PEX7: variants seen among roughly 807,000 people sequenced by gnomAD.
PEX7 encodes PTS2 receptor.
In PEX7, 34 loss-of-function variants were observed where a neutral mutation model predicts 47.5. The ratio of observed to expected loss-of-function variants is 0.72; its 90% CI spans 0.54 to 0.95. The LOEUF is 0.95. Ranked by LOEUF, PEX7 falls within the 40% of genes least tolerant of loss-of-function variation. PEX7 has a pLI of 0.00. For synonymous variants in PEX7, 141 were observed against 148.8 expected (o/e 0.95, Z 0.38); for missense variants, 394 against 400.3 (o/e 0.98, Z 0.13).
chr6:136,909,974 G>A (rs924298074), intron 9 of PEX7, among the ~76,000 whole-genome samples: 82 of 152,238 alleles, frequency 5.4e-4, no homozygotes, highest in African/African-American at 2.0e-3. Context: ...GAAAAAAATA[G>A]GCATAGATGA....
At chr6:136,890,435 C>A (rs115760864) in intron 8 of PEX7, among the ~76,000 whole-genome samples, 88 of 152,326 alleles carry the variant, frequency 5.8e-4, no homozygotes, top group African/African-American at 2.0e-3. Context: ...CATTCCTCCT[C>A]CTCCTGCAGG....
chr6:136,859,667 C>T (rs1221559391), intron 5 of PEX7, among the ~76,000 whole-genome samples: 1 of 152,126 alleles, frequency 6.6e-6, no homozygotes, highest in Non-Finnish European at 1.5e-5. Flanking sequence ...CTCGTACCTG[C>T]TGCAATTTGA....
intron 9 of PEX7, 28 bp downstream of exon 9, chr6:136,898,269 C>T (rs779356381): frequency 7.5e-7 from 1 of 1,339,470 alleles, no homozygotes; most frequent in African/African-American, 1.4e-5. Context: ...ATGATATTCT[C>T]TTCTGCCCAA....
chr6:136,913,430 T>C (rs1205580181), intron 9 of PEX7, 28 bp from the exon 10 acceptor site: 2 of 1,537,652 alleles, frequency 1.3e-6, no homozygotes, highest in Non-Finnish European at 1.8e-6. Flanking sequence ...CTAAATACGT[T>C]TCTTCTTACT....
intron 6 of PEX7, among the ~76,000 whole-genome samples, chr6:136,866,952 A>G (rs1050932491): frequency 4.6e-5 from 7 of 152,236 alleles, no homozygotes; most frequent in Admixed American, 3.9e-4. Flanking sequence ...AGAAATTCTC[A>G]AAGTTCAACA....
intron 9 of PEX7, among the ~76,000 whole-genome samples, chr6:136,910,909 C>T (rs1456152983): frequency 6.6e-6 from 1 of 152,168 alleles, no homozygotes; most frequent in African/African-American, 2.4e-5. Flanking sequence ...CATTACTTAG[C>T]TTGAACAACT....
chr6:136,905,094 A>G (rs758813246), intron 9 of PEX7, among the ~76,000 whole-genome samples: 6 of 152,024 alleles, frequency 3.9e-5, no homozygotes, highest in Non-Finnish European at 7.4e-5. Context: ...ATCCTTTTTC[A>G]GTGTCAGTAT....
chr6:136,882,480 T>G (rs908282065), intron 8 of PEX7, among the ~76,000 whole-genome samples: 3 of 151,974 alleles, frequency 2.0e-5, no homozygotes, highest in Admixed American at 6.6e-5. Context: ...ACCTGGCCCT[T>G]TGCCTCTCTT....
chr6:136,860,549 G>A (rs1774942008), intron 5 of PEX7, among the ~76,000 whole-genome samples: 1 of 151,218 alleles, frequency 6.6e-6, no homozygotes, highest in Non-Finnish European at 1.5e-5. Flanking sequence ...GATAGCATTA[G>A]GAGATATACC....
At chr6:136,863,163 GAT>G (rs1365274200) in intron 5 of PEX7, among the ~76,000 whole-genome samples, 4 of 152,192 alleles carry the variant, frequency 2.6e-5, no homozygotes, top group Non-Finnish European at 4.4e-5. Context: ...TTCACAATGA[GAT>G]ATGTTGTCAC....
At chr6:136,829,827 A>G (rs943589052) in intron 3 of PEX7, among the ~76,000 whole-genome samples, 6 of 152,298 alleles carry the variant, frequency 3.9e-5, no homozygotes, top group Admixed American at 1.3e-4. Flanking sequence ...AGTCCCAGCT[A>G]TTTGGTGGCT....
intron 1 of PEX7, 73 bp from the exon 2 acceptor site, chr6:136,825,141 C>T (rs1470685559): frequency 8.0e-7 from 1 of 1,244,070 alleles, no homozygotes; most frequent in Non-Finnish European, 1.2e-6. Flanking sequence ...GTATCAATTA[C>T]TTGATAACTC....
intron 1 of PEX7, among the ~76,000 whole-genome samples, chr6:136,823,646 T>A (rs1050854434): frequency 2.3e-4 from 35 of 152,148 alleles, no homozygotes; most frequent in African/African-American, 7.5e-4. Context: ...ATCCCAGCAC[T>A]TTGGGAGGCC....
In PEX7 at chr6:136,853,699, TGCA is replaced by T. The variant is rs571100482; in HGVS notation, c.526+7519_526+7521del. On this transcript the variant is annotated intron_variant, in intron 5 of 9. Coordinates refer to ENST00000318471, the MANE Select transcript of PEX7 (RefSeq NM_000288.4). ...CAGACAAGTATATCCATTTAGATTA[TGCA>T]ACTTTCTTTTTACAGGGAGCATGAC... is the stretch of plus-strand genomic sequence containing the variant. Among the ~76,000 whole-genome samples, 245 of 152,314 alleles carry T rather than the reference TGCA, an allele frequency of 1.6e-3. 1 individual carries two copies. The highest frequency in any genetic ancestry group is 2.9e-3 in the Admixed American group (44 of 15,308).
intron 3 of PEX7, among the ~76,000 whole-genome samples, chr6:136,839,838 T>A (rs1774462656): frequency 6.6e-6 from 1 of 152,204 alleles, no homozygotes; most frequent in South Asian, 2.1e-4. Flanking sequence ...ACCTTAGGCA[T>A]GCCCTTACCC....
Position 136,861,543 on chromosome 6 carries a change from G to T in PEX7, c.527-5084G>T, listed in dbSNP as rs561825270. Reference sequence around the variant, plus strand: ...TTAGTATATATTATTTAGGCATTTTGTATGTTTTAATGGAAACCTCGAGCT... The same window carrying T: ...TTAGTATATATTATTTAGGCATTTTTTATGTTTTAATGGAAACCTCGAGCT... On this transcript the variant is annotated intron_variant, in intron 5 of 9. Transcript: ENST00000318471. Among the ~76,000 whole-genome samples the T allele has an allele frequency of 1.5e-4, 23 of 152,052 alleles. No individual in the cohort carries two copies. In the South Asian group the frequency reaches 4.8e-3, roughly 32 times the overall value.
intron 9 of PEX7, among the ~76,000 whole-genome samples, chr6:136,909,846 C>T (rs997607907): frequency 1.2e-4 from 18 of 151,924 alleles, no homozygotes; most frequent in African/African-American, 3.6e-4. Flanking sequence ...TGGAGAGTGC[C>T]GAATAAGGTT....
intron 8 of PEX7, among the ~76,000 whole-genome samples, chr6:136,880,867 A>G (rs1281196973): frequency 6.6e-6 from 1 of 152,260 alleles, no homozygotes; most frequent in South Asian, 2.1e-4. Flanking sequence ...AAGCGGGCAG[A>G]CAGCTGGGAA....
chr6:136,856,642 A>G (rs1051515912), intron 5 of PEX7, among the ~76,000 whole-genome samples: 2 of 152,220 alleles, frequency 1.3e-5, no homozygotes, highest in East Asian at 3.8e-4. Flanking sequence ...AGGGGGATAC[A>G]ATATTTTGAT....
Sources: gnomAD v4.1 joint callset for allele counts (sites outside exome capture counted in the v4.1 genomes callset) on GRCh38, gnomAD v4.1.1 for gene constraint, MANE v1.5 for transcripts, NCBI Gene and HGNC (gene_info 2026-07-23, HGNC 2026-07-21) for gene names.